Variants in GPATCH2 observed in about 807,000 individuals in gnomAD.
GPATCH2 encodes the protein G patch domain-containing protein 2.
GPATCH2 carries 51 observed loss-of-function variants against 58.0 expected under a neutral mutation model. The observed-to-expected ratio is 0.88, with a 90% CI of 0.70 to 1.11. The LOEUF (loss-of-function observed/expected upper bound fraction) is 1.11, where lower values mean the gene tolerates loss of function less well. Among genes scored for constraint, GPATCH2 ranks in the 50% most tolerant of loss-of-function variants. The probability of loss-of-function intolerance (pLI) is 0.00; values close to 1 mark genes in which losing one functional copy is unlikely to be tolerated. For missense variants in GPATCH2, 625 were observed against 652.2 expected, an observed-to-expected ratio of 0.96 and a Z score of 0.45; for synonymous variants, 222 against 218.5, an observed-to-expected ratio of 1.02 and a Z score of -0.14.
At chr1:217,573,967 T>C (rs1313156211) in intron 5 of GPATCH2, among the ~76,000 whole-genome samples, 2 of 152,202 alleles carry the variant, frequency 1.3e-5, no homozygotes, top group African/African-American at 4.8e-5. Flanking sequence ...ACTTAATTAT[T>C]TTGCAGAGAA....
chr1:217,601,697 G>T (rs1038148560), intron 5 of GPATCH2, among the ~76,000 whole-genome samples: 1 of 152,002 alleles, frequency 6.6e-6, no homozygotes, highest in Non-Finnish European at 1.5e-5. Flanking sequence ...ACTGTCCAAG[G>T]CTGTCCAAGG....
intron 5 of GPATCH2, among the ~76,000 whole-genome samples, chr1:217,527,721 AT>A (rs1267920446): frequency 1.3e-5 from 2 of 152,190 alleles, no homozygotes; most frequent in Non-Finnish European, 2.9e-5. Flanking sequence ...TATCTATTAA[AT>A]TCTACATTTA....
chr1:217,551,929 C>A (rs961089274), intron 5 of GPATCH2, among the ~76,000 whole-genome samples: 1 of 152,042 alleles, frequency 6.6e-6, no homozygotes, highest in South Asian at 2.1e-4. Context: ...GTTATCATAG[C>A]CTTGGATGCC....
At position 217,428,202 on chromosome 1, in the gene GPATCH2, G is replaced by C. The variant is rs1202274479; in HGVS notation, c.*2943C>G. The C allele has an allele frequency of 6.6e-6, 1 of 152,138 alleles. No homozygotes were observed. Among genetic ancestry groups the C allele is most frequent in the Non-Finnish European group, 1.5e-5 (1 of 68,002 alleles). 9.4% of individuals were successfully genotyped at this position (152,138 alleles called of 1,614,324 possible). ...TGCTCAGCGTCTCTAGGCTATTGCA[G>C]GTAATTAGGATAGAAAAGGGAGACC... On this transcript the variant is annotated 3_prime_UTR_variant, in exon 10 of 10. Transcript: ENST00000366935.
At chr1:217,469,002 A>C (rs548825055) in intron 8 of GPATCH2, among the ~76,000 whole-genome samples, 1 of 152,274 alleles carries the variant, frequency 6.6e-6, no homozygotes, top group Non-Finnish European at 1.5e-5. Context: ...AGTATAAGTC[A>C]TTACAGCTTT....
In GPATCH2 at chr1:217,614,127, TATC is replaced by T; in HGVS notation, c.835+11_835+13del. 1 of 1,469,456 alleles carries T rather than the reference TATC, an allele frequency of 6.8e-7. No individual in the cohort carries two copies. The allele number at this position is 1,469,456 out of a possible 1,614,324, so 91.0% of individuals were successfully genotyped here. On this transcript the variant is annotated intron_variant, in intron 3 of 9. Transcript: ENST00000366935. ...AAGTTTTTCCAAAGAGAGAAAAAAA[TATC>T]ATTTCAGTACCTTGTCTTCCCTCAT...
At chr1:217,473,141 A>G (rs1390842522) in intron 8 of GPATCH2, among the ~76,000 whole-genome samples, 1 of 152,166 alleles carries the variant, frequency 6.6e-6, no homozygotes, top group African/African-American at 2.4e-5. Flanking sequence ...TGCTTCATAT[A>G]ACCTGTGGCA....
At chr1:217,533,525 T>C (rs908927084) in intron 5 of GPATCH2, among the ~76,000 whole-genome samples, 1 of 152,174 alleles carries the variant, frequency 6.6e-6, no homozygotes, top group Non-Finnish European at 1.5e-5. Flanking sequence ...CGAGAAGCAT[T>C]GCCACATGCC....
rs201722736 is a variant in GPATCH2 at position 217,507,042 on chromosome 1, TGTGA to T, written c.1166+7776_1166+7779del. Among the ~76,000 whole-genome samples, 1,013 of 152,352 alleles carry T rather than the reference TGTGA, an allele frequency of 6.6e-3. 7 individuals are homozygous for T. Among genetic ancestry groups the T allele is most frequent in the African/African-American group, 0.023 (946 of 41,582 alleles). On this transcript the variant is annotated intron_variant, in intron 6 of 9. Transcript: ENST00000366935. The stretch of plus-strand genomic sequence containing the variant: ...GTAATCTCTATTACCTCTATCACAC[TGTGA>T]GTAATGTGAGAACCACAACAACTGT...
chr1:217,609,391 T>C (rs1385980073), intron 5 of GPATCH2: 20 of 984,174 alleles, frequency 2.0e-5, no homozygotes, highest in Non-Finnish European at 2.3e-5. Flanking sequence ...TAAACCAAAA[T>C]AATAATTTTG....
rs968672298 is a variant in GPATCH2, at chr1:217,498,376, C to G, written c.1186G>C (p.Ala396Pro). ...CTTACCTGGTCATGCTCTGTCCTAG[C>G]CCCAGGGCTAAACCAATGGCTGCAG... ...HHHDHWFSPG[A>P]RTEHDQHQLL... Residue 396 changes from alanine to proline, a missense_variant, in exon 7 of 10, where the codon GCT becomes CCT. Ala to Pro is a conservative substitution (Grantham distance 27). Transcript: ENST00000366935. 1 of 1,612,908 alleles carries G rather than the reference C, an allele frequency of 6.2e-7. No homozygotes were observed. The highest frequency in any genetic ancestry group is 1.7e-5 in the Admixed American group (1 of 59,984).
At chr1:217,472,995 G>A (rs1660799895) in intron 8 of GPATCH2, among the ~76,000 whole-genome samples, 1 of 152,064 alleles carries the variant, frequency 6.6e-6, no homozygotes, top group African/African-American at 2.4e-5. Flanking sequence ...TAACTTTCTG[G>A]ATCCCTCAGC....
At chr1:217,586,337 G>C (rs900872796) in intron 5 of GPATCH2, among the ~76,000 whole-genome samples, 1 of 151,336 alleles carries the variant, frequency 6.6e-6, no homozygotes, top group Non-Finnish European at 1.5e-5. Context: ...TTATATTCTT[G>C]TTCTATAAGC....
At chr1:217,442,426 T>C (rs1448021288) in intron 9 of GPATCH2, among the ~76,000 whole-genome samples, 4 of 152,118 alleles carry the variant, frequency 2.6e-5, no homozygotes, top group Non-Finnish European at 4.4e-5. Context: ...ACCACCATGG[T>C]ATGTGTATAC....
chr1:217,501,313 T>C (rs1002484372), intron 6 of GPATCH2, among the ~76,000 whole-genome samples: 2 of 152,198 alleles, frequency 1.3e-5, no homozygotes, highest in South Asian at 4.1e-4. Context: ...TTCCATTGCA[T>C]GGGTGAACAT....
chr1:217,536,937 A>G (rs1375642137), intron 5 of GPATCH2, among the ~76,000 whole-genome samples: 1 of 152,124 alleles, frequency 6.6e-6, no homozygotes, highest in Non-Finnish European at 1.5e-5. Context: ...GTGCCACTGC[A>G]CTCCAGCCTG....
intron 8 of GPATCH2, among the ~76,000 whole-genome samples, chr1:217,480,980 G>GAGTAGAA (rs1343058397): frequency 2.6e-5 from 4 of 152,146 alleles, no homozygotes; most frequent in African/African-American, 9.7e-5. Flanking sequence ...TGGAGATAGA[G>GAGTAGAA]AGTAGAAGAA....
intron 5 of GPATCH2, chr1:217,608,644 T>A: frequency 1.0e-6 from 1 of 984,794 alleles, no homozygotes; most frequent in Non-Finnish European, 1.2e-6. Context: ...TTCATCTAGA[T>A]TCATGATTGA....
chr1:217,545,562 ATG>A (rs1399120079), intron 5 of GPATCH2, among the ~76,000 whole-genome samples: 1 of 152,224 alleles, frequency 6.6e-6, no homozygotes, highest in East Asian at 1.9e-4. Flanking sequence ...CCTTCATTGA[ATG>A]TCTAAACACT....
Sources: allele counts gnomAD v4.1 joint callset (sites outside exome capture counted in the v4.1 genomes callset), GRCh38; gene constraint gnomAD v4.1.1; transcripts MANE v1.5; gene names NCBI Gene and HGNC (gene_info 2026-07-23, HGNC 2026-07-21).